Variants in SPPL3 observed in about 807,000 individuals in gnomAD.
The protein encoded by SPPL3 is signal peptide peptidase-like 3.
In SPPL3, 5 loss-of-function variants were observed where a neutral mutation model predicts 42.4. The ratio of observed to expected loss-of-function variants is 0.12; its 90% CI spans 0.06 to 0.25. The LOEUF (loss-of-function observed/expected upper bound fraction) is 0.25. Ranked by LOEUF, SPPL3 falls within the 10% of genes least tolerant of loss-of-function variation. SPPL3 has a pLI of 1.00. For synonymous variants in SPPL3, 195 were observed against 181.8 expected (o/e 1.07, Z -0.58); for missense variants, 235 against 489.0 (o/e 0.48, Z 4.90).
rs757806836 is a variant in SPPL3, at chr12:120,771,770, G to A, written c.503-2711C>T. 3.9e-5 allele frequency among the ~76,000 whole-genome samples: 6 copies of A among 152,248 alleles called. No homozygotes were observed. The South Asian group carries it at 1.2e-3, about 32-fold the overall frequency. The stretch of plus-strand genomic sequence containing the variant: ...CATGGGGTCTTGTGGTGGGATGAAT[G>A]TCCAACTCCCTGGCCAGGGAGGGCA... On this transcript the variant is annotated intron_variant, in intron 6 of 10. Coordinates refer to ENST00000353487, the MANE Select transcript of SPPL3 (RefSeq NM_139015.5).
At chr12:120,768,838 G>C (rs1433278231) in intron 7 of SPPL3, 115 bp downstream of exon 7, 2 of 845,660 alleles carry the variant, frequency 2.4e-6, no homozygotes, top group African/African-American at 1.7e-5. Flanking sequence ...TGGAGAGAGA[G>C]TGATCAGCAG....
intron 1 of SPPL3, among the ~76,000 whole-genome samples, chr12:120,856,214 C>T (rs529296348): frequency 1.3e-4 from 20 of 151,986 alleles, no homozygotes; most frequent in African/African-American, 4.8e-4. Flanking sequence ...TTCCAGTCCC[C>T]TTGTGGCTTA....
intron 1 of SPPL3, among the ~76,000 whole-genome samples, chr12:120,862,500 A>G (rs1159974599): frequency 6.6e-6 from 1 of 152,152 alleles, no homozygotes; most frequent in Non-Finnish European, 1.5e-5. Flanking sequence ...AGGTTTGACC[A>G]TTTGCTAGGA....
chr12:120,787,400 T>C (rs1230170048), intron 3 of SPPL3, among the ~76,000 whole-genome samples: 1 of 152,136 alleles, frequency 6.6e-6, no homozygotes, highest in East Asian at 1.9e-4. Context: ...AATGAAGGAC[T>C]GATGTGCCAT....
intron 6 of SPPL3, among the ~76,000 whole-genome samples, chr12:120,781,748 T>G (rs2136977681): frequency 6.7e-6 from 1 of 150,150 alleles, no homozygotes; most frequent in Admixed American, 6.6e-5. Context: ...CCCAGCTAAT[T>G]TTTTGTATTT....
chr12:120,834,206 C>T (rs960280259), intron 1 of SPPL3, among the ~76,000 whole-genome samples: 7 of 152,180 alleles, frequency 4.6e-5, no homozygotes, highest in Admixed American at 1.3e-4. Context: ...AACAGACAAT[C>T]GAGAGAGAAT....
At chr12:120,897,289 G>T (rs931982289) in intron 1 of SPPL3, among the ~76,000 whole-genome samples, 1 of 152,094 alleles carries the variant, frequency 6.6e-6, no homozygotes, top group South Asian at 2.1e-4. Context: ...CTTTACCCCC[G>T]AAGGCTTTAT....
At position 120,871,130 on chromosome 12, in the gene SPPL3, C is replaced by CAAAAAAAAAAAAAAAAAAAAAAAAAA. The variant is rs71453512; in HGVS notation, c.23+32714_23+32715insTTTTTTTTTTTTTTTTTTTTTTTTTT. 6.4e-4 allele frequency among the ~76,000 whole-genome samples: 33 copies of CAAAAAAAAAAAAAAAAAAAAAAAAAA among 51,704 alleles called. 1 individual carries two copies. Among genetic ancestry groups the CAAAAAAAAAAAAAAAAAAAAAAAAAA allele is most frequent in the South Asian group, 1.3e-3 (1 of 782 alleles). The allele number at this position is 51,704 out of a possible 152,430, so 33.9% of individuals were successfully genotyped here. ...GGGCGACAGAGTGAGACTCCGTCTCCAAAAAAAAAAAAAAAAAAAGAAAAA... is the reference window on the plus strand; with the variant it reads ...GGGCGACAGAGTGAGACTCCGTCTCCAAAAAAAAAAAAAAAAAAAAAAAAAAAAAAAAAAAAAAAAAAAAAGAAAAA... On this transcript the variant is annotated intron_variant, in intron 1 of 10. Coordinates refer to ENST00000353487, the MANE Select transcript of SPPL3 (RefSeq NM_139015.5).
intron 2 of SPPL3, among the ~76,000 whole-genome samples, chr12:120,797,361 C>G (rs1870135795): frequency 6.6e-6 from 1 of 152,080 alleles, no homozygotes; most frequent in East Asian, 1.9e-4. Flanking sequence ...CTCTCTGCAC[C>G]ATGAGTGGAA....
chr12:120,790,652 C>T (rs940866595), intron 3 of SPPL3, among the ~76,000 whole-genome samples: 2 of 152,142 alleles, frequency 1.3e-5, no homozygotes, highest in Non-Finnish European at 2.9e-5. Flanking sequence ...ACCTGACTTG[C>T]GGGTCTCTTT....
rs80086000 is a variant in SPPL3 at position 120,808,712 on chromosome 12, A to G, written c.101+2097T>C. On this transcript the variant is annotated intron_variant, in intron 2 of 10. Coordinates refer to ENST00000353487, the MANE Select transcript of SPPL3 (RefSeq NM_139015.5). ...AAATTACTAAAATGATATGAAGATA[A>G]TTTGTAGAAAGTATTTGTCTGGTGC... is the stretch of plus-strand genomic sequence containing the variant. 3.4e-3 allele frequency among the ~76,000 whole-genome samples: 517 copies of G among 152,352 alleles called. 3 individuals are homozygous for G. Among genetic ancestry groups the G allele is most frequent in the African/African-American group, 0.012 (500 of 41,586 alleles).
At chr12:120,800,871 G>GTCA (rs984332642) in intron 2 of SPPL3, among the ~76,000 whole-genome samples, 4 of 152,222 alleles carry the variant, frequency 2.6e-5, no homozygotes, top group African/African-American at 9.6e-5. Context: ...AGCTCATACT[G>GTCA]TCAGGCACTG....
chr12:120,902,560 T>C (rs1151850), intron 1 of SPPL3, among the ~76,000 whole-genome samples: 37,111 of 152,050 alleles, frequency 0.24, 5,628 homozygotes, highest in Non-Finnish European at 0.35. Context: ...CTCTATTTTA[T>C]AGGTAAGGAA....
At chr12:120,881,226 T>C (rs1873268864) in intron 1 of SPPL3, among the ~76,000 whole-genome samples, 2 of 151,710 alleles carry the variant, frequency 1.3e-5, no homozygotes, top group Non-Finnish European at 1.5e-5. Flanking sequence ...CCCAGCACTT[T>C]GGGAGGCCGA....
rs902507663 is a variant in SPPL3 at position 120,884,429 on chromosome 12, C to A, written c.23+19416G>T. 4.0e-5 allele frequency among the ~76,000 whole-genome samples: 6 copies of A among 151,826 alleles called. No homozygotes were observed. The East Asian group carries it at 1.2e-3, about 29-fold the overall frequency. On this transcript the variant is annotated intron_variant, in intron 1 of 10. Coordinates refer to ENST00000353487, the MANE Select transcript of SPPL3 (RefSeq NM_139015.5). ...TGATCTACAGTTCCTATATGTAATG[C>A]CCAAAAGGGTAACATGAAATGTTAC...
At chr12:120,891,435 C>T (rs1873637718) in intron 1 of SPPL3, among the ~76,000 whole-genome samples, 1 of 151,698 alleles carries the variant, frequency 6.6e-6, no homozygotes, top group Non-Finnish European at 1.5e-5. Flanking sequence ...TTTTCAATTG[C>T]CCTTTCTGAA....
At chr12:120,823,166 A>G (rs1871121943) in intron 1 of SPPL3, among the ~76,000 whole-genome samples, 1 of 129,172 alleles carries the variant, frequency 7.7e-6, no homozygotes, top group African/African-American at 2.9e-5. Flanking sequence ...GAGCTAGAGC[A>G]TATTCCCACA....
chr12:120,791,703 T>A (rs893237578), intron 2 of SPPL3, 146 bp from the exon 3 acceptor site: 4 of 607,312 alleles, frequency 6.6e-6, no homozygotes, highest in Admixed American at 3.4e-5. Context: ...TGTAACATTT[T>A]AAAAAACAAT....
chr12:120,805,335 A>AT (rs1465445317), intron 2 of SPPL3, among the ~76,000 whole-genome samples: 1 of 152,218 alleles, frequency 6.6e-6, no homozygotes, highest in Non-Finnish European at 1.5e-5. Flanking sequence ...TCCAATACCC[A>AT]TTCATGATAA....
Sources: gnomAD v4.1 joint callset for allele counts (sites outside exome capture counted in the v4.1 genomes callset) on GRCh38, gnomAD v4.1.1 for gene constraint, MANE v1.5 for transcripts, NCBI Gene and HGNC (gene_info 2026-07-23, HGNC 2026-07-21) for gene names.